Variants in PRPH2 observed in about 807,000 individuals in gnomAD.
The protein encoded by PRPH2 is peripherin-2.
Under a neutral mutation model 31.3 loss-of-function variants are expected in PRPH2, and 17 were observed. The observed-to-expected ratio is 0.54, with a 90% CI of 0.37 to 0.81. The LOEUF (loss-of-function observed/expected upper bound fraction) is 0.81, where lower values mean the gene tolerates loss of function less well. Among genes scored for constraint, PRPH2 ranks in the 40% least tolerant of loss-of-function variants. The pLI is 0.00. For synonymous variants in PRPH2, 165 were observed against 184.4 expected (o/e 0.89, Z 0.85); for missense variants, 430 against 439.7 (o/e 0.98, Z 0.20).
intron 1 of PRPH2, among the ~76,000 whole-genome samples, chr6:42,718,653 T>TA (rs201369832): frequency 1.6e-4 from 23 of 148,096 alleles, no homozygotes; most frequent in South Asian, 2.1e-4. Flanking sequence ...AATTCATATA[T>TA]TTTTTTTTTT....
At chr6:42,711,926 G>C (rs1248977684) in intron 1 of PRPH2, 13 of 985,236 alleles carry the variant, frequency 1.3e-5, no homozygotes, top group Non-Finnish European at 1.6e-5. Context: ...CTGCAGCTCT[G>C]CTCATCCTGC....
chr6:42,705,608 A>C (rs1371708934), intron 1 of PRPH2, among the ~76,000 whole-genome samples: 5 of 16,434 alleles, frequency 3.0e-4, no homozygotes, highest in African/African-American at 1.3e-3. Context: ...AAATATATAT[A>C]TATATATATA....
intron 2 of PRPH2, among the ~76,000 whole-genome samples, chr6:42,704,135 G>C (rs1230790485): frequency 6.7e-6 from 1 of 149,520 alleles, no homozygotes; most frequent in African/African-American, 2.5e-5. Context: ...AAATTTAAGT[G>C]GTGGGAAAGA....
chr6:42,715,173 C>T (rs1761752382), intron 1 of PRPH2, among the ~76,000 whole-genome samples: 2 of 152,130 alleles, frequency 1.3e-5, no homozygotes, highest in South Asian at 2.1e-4. Flanking sequence ...CGTGCCACTG[C>T]ACTCCAGCCT....
At chr6:42,714,790 T>C (rs1761741227) in intron 1 of PRPH2, among the ~76,000 whole-genome samples, 1 of 152,180 alleles carries the variant, frequency 6.6e-6, no homozygotes, top group African/African-American at 2.4e-5. Flanking sequence ...AGTGCTGGGA[T>C]TACAGGTGTG....
Position 42,697,508 on chromosome 6 carries a change from CAGG to C in PRPH2, c.*784_*786del, listed in dbSNP as rs1799967882. 1 of 152,392 alleles carries C rather than the reference CAGG, an allele frequency of 6.6e-6. No homozygotes were observed. Among genetic ancestry groups the C allele is most frequent in the Admixed American group, 6.5e-5 (1 of 15,280 alleles). 9.4% of individuals were successfully genotyped at this position (152,392 alleles called of 1,614,324 possible). ...CCCCACTGCTTCCACCGATGAGCCACAGGAGATCACCTGGCACTTTAGGGGTGG... is the reference window on the plus strand; with the variant it reads ...CCCCACTGCTTCCACCGATGAGCCACAGATCACCTGGCACTTTAGGGGTGG... On this transcript the variant is annotated 3_prime_UTR_variant, in exon 3 of 3. Coordinates refer to ENST00000230381, the MANE Select transcript of PRPH2 (RefSeq NM_000322.5).
In PRPH2 at chr6:42,721,927, G is replaced by A. The variant is rs148513859; in HGVS notation, c.408C>T (p.Asn136=). ...LENTLGQGLK[N]GMKYYRDTDT... ...CTGTGTCCCGGTAGTACTTCATGCC[G>A]TTCTTGAGCCCTTGGCCCAGGGTGT... The change falls in exon 1 of 3, where the codon AAC becomes AAT. Residue 136 remains asparagine (N), a synonymous_variant. Transcript: ENST00000230381. 38 of 1,614,038 alleles carry A rather than the reference G, an allele frequency of 2.4e-5. No individual in the cohort carries two copies. The highest frequency in any genetic ancestry group is 9.3e-5 in the African/African-American group (7 of 74,912).
rs1234799295 is a variant in PRPH2 at position 42,722,509 on chromosome 6, C to T, written c.-175G>A. The T allele has an allele frequency of 2.0e-6, 3 of 1,483,990 alleles. No homozygotes were observed. The highest frequency in any genetic ancestry group is 1.4e-5 in the African/African-American group (1 of 71,562). 91.9% of individuals were successfully genotyped at this position (1,483,990 alleles called of 1,614,324 possible). Reference sequence around the variant, plus strand: ...CACTAGCCTGGGATCCCCGTGAATGCAGTAGTGGTGGCAGGGGTCTCGGAA... The same window carrying T: ...CACTAGCCTGGGATCCCCGTGAATGTAGTAGTGGTGGCAGGGGTCTCGGAA... On this transcript the variant is annotated 5_prime_UTR_variant, in exon 1 of 3. Coordinates refer to ENST00000230381, the MANE Select transcript of PRPH2 (RefSeq NM_000322.5). The surrounding 1 kb of genome is among the most constrained non-coding windows in gnomAD (Gnocchi z 4.4).
intron 1 of PRPH2, among the ~76,000 whole-genome samples, chr6:42,715,498 C>G (rs1449866998): frequency 6.6e-6 from 1 of 151,930 alleles, no homozygotes; most frequent in East Asian, 1.9e-4. Flanking sequence ...TGGTGAAACC[C>G]CGTCTCTACT....
chr6:42,698,656 G>T, intron 2 of PRPH2, 149 bp from the exon 3 acceptor site: 2 of 1,126,466 alleles, frequency 1.8e-6, no homozygotes, highest in South Asian at 2.7e-5. Flanking sequence ...CCTGCCCCAC[G>T]CTGCCCTGTC....
chr6:42,715,181 C>A (rs1048554852), intron 1 of PRPH2, among the ~76,000 whole-genome samples: 6 of 152,034 alleles, frequency 3.9e-5, no homozygotes, highest in Non-Finnish European at 8.8e-5. Context: ...TGCACTCCAG[C>A]CTGGGTGACG....
rs1379297561 is a variant in PRPH2, at chr6:42,722,559, C to T, written c.-225G>A. 14 of 1,421,478 alleles carry T rather than the reference C, an allele frequency of 9.8e-6. No homozygotes were observed. The East Asian group carries it at 2.1e-4, about 21-fold the overall frequency. The allele number at this position is 1,421,478 out of a possible 1,614,324, so 88.1% of individuals were successfully genotyped here. On this transcript the variant is annotated 5_prime_UTR_variant, in exon 1 of 3. Transcript: ENST00000230381. This position sits in a 1 kb window ranked among gnomAD's most constrained non-coding sequence, Gnocchi z 4.4. ...ATCACAGCTTGAGCAGGGGATAGTC[C>T]TGGTCCTGGGCGTTGTTTCTTCAGC...
intron 1 of PRPH2, among the ~76,000 whole-genome samples, chr6:42,716,603 GTTTGGTTGGT>G (rs1761786083): frequency 7.6e-5 from 10 of 131,278 alleles, no homozygotes; most frequent in African/African-American, 2.7e-4. Context: ...GTTTGGTTTG[GTTTGGTTGGT>G]TTTTTTTTTT....
At position 42,722,273 on chromosome 6, in the gene PRPH2, C is replaced by G; in HGVS notation, c.62G>C (p.Trp21Ser). The G allele has an allele frequency of 1.2e-6, 2 of 1,614,108 alleles. No homozygotes were observed. The highest frequency in any genetic ancestry group is 1.7e-6 in the Non-Finnish European group (2 of 1,180,024). The change falls in exon 1 of 3, where the codon TGG (tryptophan) becomes TCG (serine). Residue 21 changes from tryptophan (W) to serine (S), a missense_variant. Coordinates refer to ENST00000230381, the MANE Select transcript of PRPH2 (RefSeq NM_000322.5). The surrounding 1 kb of genome is among the most constrained non-coding windows in gnomAD (Gnocchi z 4.4). ...KKRVKLAQGL[W>S]LMNWFSVLAG... ...CAACACGGAGAACCAGTTCATGAGC[C>G]AGAGCCCTTGGGCCAACTTGACCCG...
intron 1 of PRPH2, among the ~76,000 whole-genome samples, chr6:42,705,599 A>AAAATATATATAT (rs1562424252): frequency 6.0e-4 from 13 of 21,542 alleles, no homozygotes; most frequent in South Asian, 1.6e-3. Context: ...AAAAAAAAAA[A>AAAATATATATAT]ATATATATAT....
In PRPH2 at chr6:42,722,272, C is replaced by A; in HGVS notation, c.63G>T (p.Trp21Cys). The change falls in exon 1 of 3, where the codon TGG (tryptophan) becomes TGT (cysteine). Residue 21 changes from tryptophan to cysteine, a missense_variant. Trp to Cys is a radical substitution (Grantham distance 215). Coordinates refer to ENST00000230381, the MANE Select transcript of PRPH2 (RefSeq NM_000322.5). The surrounding 1 kb of genome is among the most constrained non-coding windows in gnomAD (Gnocchi z 4.4). ...KKRVKLAQGL[W>C]LMNWFSVLAG... ...CCAACACGGAGAACCAGTTCATGAGCCAGAGCCCTTGGGCCAACTTGACCC... is the reference window on the plus strand; with the variant it reads ...CCAACACGGAGAACCAGTTCATGAGACAGAGCCCTTGGGCCAACTTGACCC... 2 of 1,614,152 alleles carry A rather than the reference C, an allele frequency of 1.2e-6. No individual in the cohort carries two copies. Among genetic ancestry groups the A allele is most frequent in the Non-Finnish European group, 1.7e-6 (2 of 1,180,044 alleles).
intron 1 of PRPH2, among the ~76,000 whole-genome samples, chr6:42,719,228 G>A (rs1761849856): frequency 6.7e-6 from 1 of 150,236 alleles, no homozygotes; most frequent in Non-Finnish European, 1.5e-5. Flanking sequence ...GAGTACAGTG[G>A]CAAGATCTCG....
chr6:42,715,586 T>C (rs893436776), intron 1 of PRPH2, among the ~76,000 whole-genome samples: 4 of 150,094 alleles, frequency 2.7e-5, no homozygotes, highest in African/African-American at 7.4e-5. Context: ...CAGGAGAATC[T>C]CTTGAACCCA....
chr6:42,704,544 T>C lies in PRPH2; in HGVS notation c.649A>G (p.Ser217Gly), dbSNP rs767471467. Residue 217 changes from serine (S) to glycine (G), a missense_variant, in exon 2 of 3, where the codon AGC becomes GGC. Coordinates refer to ENST00000230381, the MANE Select transcript of PRPH2 (RefSeq NM_000322.5). ...DGVPFSCCNP[S>G]SPRPCIQYQI... Reference sequence around the variant, plus strand: ...TACTGGATGCAGGGCCGTGGCGAGCTAGGATTGCAGCAGCTGAAAGGGACG... The same window carrying C: ...TACTGGATGCAGGGCCGTGGCGAGCCAGGATTGCAGCAGCTGAAAGGGACG... 31 of 1,614,114 alleles carry C rather than the reference T, an allele frequency of 1.9e-5. No homozygotes were observed. Among genetic ancestry groups the C allele is most frequent in the Non-Finnish European group, 2.4e-5 (28 of 1,180,014 alleles).
Sources: gnomAD v4.1 joint callset for allele counts (sites outside exome capture counted in the v4.1 genomes callset) on GRCh38, gnomAD v4.1.1 for gene constraint, Gnocchi (gnomAD v3.1) non-coding constraint, MANE v1.5 for transcripts, NCBI Gene and HGNC (gene_info 2026-07-23, HGNC 2026-07-21) for gene names.